Variants in TENM3 observed in about 807,000 individuals in gnomAD.
The protein encoded by TENM3 is teneurin-3.
TENM3 carries 63 observed loss-of-function variants against 255.1 expected under a neutral mutation model. The observed-to-expected ratio is 0.25, with a 90% CI of 0.20 to 0.30. TENM3 has a LOEUF of 0.30. TENM3 is among the 10% of genes least tolerant of loss of function. The pLI is 1.00. For synonymous variants in TENM3, 1,306 were observed against 1,322.3 expected, an observed-to-expected ratio of 0.99 and a Z score of 0.27; for missense variants, 2,929 against 3,461.1, an observed-to-expected ratio of 0.85 and a Z score of 3.86.
At position 182,754,330 on chromosome 4, in the gene TENM3, C is replaced by T. The variant is rs1460519946; in HGVS notation, c.4018-55C>T. 6.8e-6 allele frequency: 10 copies of T among 1,472,188 alleles called. No individual in the cohort carries two copies. In the East Asian group the frequency reaches 7.3e-5, roughly 11 times the overall value. 91.2% of individuals were successfully genotyped at this position (1,472,188 alleles called of 1,614,324 possible). ...TGAATGGTCTAATTTACTCTTCTGG[C>T]GAATTAACTGTAGTGCAGTAACTTA... On this transcript the variant is annotated intron_variant, in intron 21 of 27. Coordinates refer to ENST00000511685, the MANE Select transcript of TENM3 (RefSeq NM_001080477.4). The surrounding 1 kb of genome is among the most constrained non-coding windows in gnomAD (Gnocchi z 5.1).
intron 1 of TENM3, among the ~76,000 whole-genome samples, chr4:182,208,176 T>G (rs999813373): frequency 2.0e-5 from 3 of 152,248 alleles, no homozygotes; most frequent in Non-Finnish European, 4.4e-5. Context: ...TTTATGATGT[T>G]AAGTATTTGT....
chr4:181,758,959 T>G, the TENM3 span, among the ~76,000 whole-genome samples: 8 of 152,326 alleles, frequency 5.3e-5, no homozygotes, highest in South Asian at 1.2e-3. Context: ...TTTCCATTGT[T>G]AAACAAACTC....
At chr4:182,407,173 A>G (rs1769638930) in intron 3 of TENM3, among the ~76,000 whole-genome samples, 1 of 151,920 alleles carries the variant, frequency 6.6e-6, no homozygotes, top group Non-Finnish European at 1.5e-5. Context: ...TCTGGTGGAC[A>G]GAGTTCGAAC....
the TENM3 span, among the ~76,000 whole-genome samples, chr4:181,796,909 G>C: frequency 6.6e-6 from 1 of 152,222 alleles, no homozygotes; most frequent in South Asian, 2.1e-4. Flanking sequence ...TCATGTCAGA[G>C]CAAGTCTAGA....
intron 4 of TENM3, among the ~76,000 whole-genome samples, chr4:182,620,869 C>T (rs887898034): frequency 5.3e-5 from 8 of 151,968 alleles, no homozygotes; most frequent in African/African-American, 1.9e-4. Context: ...GCTGGGGCTA[C>T]AGGTGCATGG....
the TENM3 span, chr4:181,522,636 GT>G: frequency 1.8e-6 from 1 of 570,420 alleles, no homozygotes. Context: ...CTCCAACTAT[GT>G]TGTAGCCATA....
chr4:181,818,067 A>G, the TENM3 span, among the ~76,000 whole-genome samples: 1 of 152,158 alleles, frequency 6.6e-6, no homozygotes, highest in African/African-American at 2.4e-5. Context: ...AAGACTTACT[A>G]GGGGACCCAC....
chr4:181,938,844 T>A, the TENM3 span, among the ~76,000 whole-genome samples: 1 of 152,222 alleles, frequency 6.6e-6, no homozygotes, highest in African/African-American at 2.4e-5. Context: ...AATAAAAGAC[T>A]CTTTTAATAG....
chr4:182,551,786 C>G (rs1194173297), intron 3 of TENM3, among the ~76,000 whole-genome samples: 1 of 151,930 alleles, frequency 6.6e-6, no homozygotes, highest in Admixed American at 6.6e-5. Context: ...TTCAGGAGGC[C>G]AGGCTGGGAA....
chr4:182,062,541 T>A, the TENM3 span, among the ~76,000 whole-genome samples: 1 of 152,242 alleles, frequency 6.6e-6, no homozygotes, highest in African/African-American at 2.4e-5. Context: ...GTTGACAGAT[T>A]TTGTAGTCTT....
At chr4:182,678,722 G>A (rs1253813862) in intron 7 of TENM3, among the ~76,000 whole-genome samples, 1 of 152,180 alleles carries the variant, frequency 6.6e-6, no homozygotes, top group Non-Finnish European at 1.5e-5. Context: ...ACGGAGTAAG[G>A]ATTCAACAGT....
chr4:182,080,572 G>A, the TENM3 span, among the ~76,000 whole-genome samples: 32 of 152,278 alleles, frequency 2.1e-4, no homozygotes, highest in African/African-American at 6.5e-4. Context: ...TTATAAAAAT[G>A]TATGTACTTC....
At chr4:181,916,012 A>G in the TENM3 span, among the ~76,000 whole-genome samples, 3 of 152,142 alleles carry the variant, frequency 2.0e-5, no homozygotes, top group South Asian at 6.2e-4. Flanking sequence ...CTGTTAGAAT[A>G]AAGTCTAAAA....
At chr4:182,645,090 T>C (rs559730265) in intron 5 of TENM3, among the ~76,000 whole-genome samples, 83 of 152,096 alleles carry the variant, frequency 5.5e-4, no homozygotes, top group African/African-American at 1.9e-3. Flanking sequence ...CATAATTGTT[T>C]TGTTTTCTGG....
the TENM3 span, among the ~76,000 whole-genome samples, chr4:182,117,932 A>G: frequency 6.6e-6 from 1 of 152,132 alleles, no homozygotes; most frequent in Non-Finnish European, 1.5e-5. Flanking sequence ...TAATCTCTCC[A>G]TTTACATATT....
the TENM3 span, among the ~76,000 whole-genome samples, chr4:181,541,331 C>A: frequency 1.6e-3 from 249 of 152,168 alleles, 2 homozygotes; most frequent in Admixed American, 0.014. Flanking sequence ...CTGAAGTGAG[C>A]CATGATCACT....
At chr4:182,339,431 C>A (rs1168021216) in intron 2 of TENM3, among the ~76,000 whole-genome samples, 1 of 152,196 alleles carries the variant, frequency 6.6e-6, no homozygotes, top group Non-Finnish European at 1.5e-5. Flanking sequence ...CCTCTTTTAG[C>A]TCCCCTGCCT....
chr4:182,785,083 AT>A (rs147529140), intron 24 of TENM3, among the ~76,000 whole-genome samples: 114 of 150,814 alleles, frequency 7.6e-4, no homozygotes, highest in African/African-American at 2.6e-3. Flanking sequence ...CCTCCCCCAT[AT>A]TTTTTTTCTT....
At chr4:182,339,735 T>C (rs1311064042) in intron 2 of TENM3, among the ~76,000 whole-genome samples, 1 of 152,170 alleles carries the variant, frequency 6.6e-6, no homozygotes, top group Non-Finnish European at 1.5e-5. Flanking sequence ...ATTAAACACC[T>C]GCCGCTTTAT....
Sources: allele counts gnomAD v4.1 joint callset (sites outside exome capture counted in the v4.1 genomes callset), GRCh38; gene constraint gnomAD v4.1.1; non-coding constraint Gnocchi (gnomAD v3.1); transcripts MANE v1.5; gene names NCBI Gene and HGNC (gene_info 2026-07-23, HGNC 2026-07-21).